DPP10: variants seen among roughly 807,000 people sequenced by gnomAD.
DPP10 encodes the protein dipeptidyl peptidase like 10.
A neutral mutation model predicts 120.9 loss-of-function variants in DPP10; 33 were observed. The ratio of observed to expected loss-of-function variants is 0.27; its 90% CI spans 0.21 to 0.37. The LOEUF (loss-of-function observed/expected upper bound fraction) is 0.37. Ranked by LOEUF, DPP10 falls within the 10% of genes least tolerant of loss-of-function variation. The pLI is 1.00. For missense variants in DPP10, 816 were observed against 942.8 expected, an observed-to-expected ratio of 0.87 and a Z score of 1.76; for synonymous variants, 337 against 326.1, an observed-to-expected ratio of 1.03 and a Z score of -0.36.
At chr2:114,972,163 C>G (rs1298581820) in intron 1 of DPP10, among the ~76,000 whole-genome samples, 6 of 152,198 alleles carry the variant, frequency 3.9e-5, no homozygotes, top group African/African-American at 1.4e-4. Context: ...AGAGGGTCAG[C>G]AGCTGTGAAC....
intron 1 of DPP10, among the ~76,000 whole-genome samples, chr2:114,560,625 G>A (rs1346960987): frequency 3.3e-5 from 5 of 152,164 alleles, no homozygotes; most frequent in Middle Eastern, 3.4e-3. Flanking sequence ...CAGATGATGC[G>A]TCTGTACTTT....
intron 1 of DPP10, among the ~76,000 whole-genome samples, chr2:115,012,995 A>G (rs1702372776): frequency 6.6e-6 from 1 of 152,182 alleles, no homozygotes; most frequent in South Asian, 2.1e-4. Context: ...GCCTGTTTAC[A>G]TTTAAGGTTA....
chr2:115,498,304 C>T (rs2076509010), intron 3 of DPP10, among the ~76,000 whole-genome samples: 1 of 152,056 alleles, frequency 6.6e-6, no homozygotes. Flanking sequence ...TGCTTCTTGT[C>T]ATATAAATTG....
At chr2:115,787,093 T>G (rs1683430251) in intron 17 of DPP10, among the ~76,000 whole-genome samples, 1 of 152,160 alleles carries the variant, frequency 6.6e-6, no homozygotes, top group South Asian at 2.1e-4. Flanking sequence ...TAAAAAGATT[T>G]CTTGAAAAGT....
At chr2:114,799,697 T>C (rs565133173) in intron 1 of DPP10, among the ~76,000 whole-genome samples, 18 of 152,240 alleles carry the variant, frequency 1.2e-4, no homozygotes, top group African/African-American at 4.3e-4. Flanking sequence ...CAGGGAAAAA[T>C]ATGGAAGCAG....
At chr2:115,584,245 C>G (rs992102439) in intron 5 of DPP10, among the ~76,000 whole-genome samples, 2 of 152,106 alleles carry the variant, frequency 1.3e-5, no homozygotes, top group African/African-American at 4.8e-5. Flanking sequence ...AATGGAAAGC[C>G]ATTATCACTT....
rs180831951 is a variant in DPP10 at position 115,705,992 on chromosome 2, G to T, written c.576+16071G>T. On this transcript the variant is annotated intron_variant, in intron 7 of 25. Coordinates refer to ENST00000410059, the MANE Select transcript of DPP10 (RefSeq NM_020868.6). ...ATAAGTCTGTTTGGGTTTAATGGGG[G>T]GGAAAAAAACAGGAAACAAAACCTC... Among the ~76,000 whole-genome samples, 509 of 150,996 alleles carry T rather than the reference G, an allele frequency of 3.4e-3. 2 individuals are homozygous for T. The highest frequency in any genetic ancestry group is 0.01 in the Middle Eastern group (3 of 294).
chr2:115,288,556 T>TA (rs1261196748), intron 1 of DPP10, among the ~76,000 whole-genome samples: 8 of 151,558 alleles, frequency 5.3e-5, no homozygotes, highest in Non-Finnish European at 1.0e-4. Context: ...TATCTCTATT[T>TA]AAAAAAATAT....
intron 1 of DPP10, among the ~76,000 whole-genome samples, chr2:114,643,689 G>A (rs975990006): frequency 1.3e-5 from 2 of 151,738 alleles, no homozygotes; most frequent in Non-Finnish European, 1.5e-5. Context: ...AATCAGTAAT[G>A]CACTTCTAAA....
At chr2:115,342,367 A>G (rs1450861266) in intron 2 of DPP10, among the ~76,000 whole-genome samples, 3 of 151,920 alleles carry the variant, frequency 2.0e-5, no homozygotes, top group African/African-American at 7.2e-5. Flanking sequence ...CCACCACTCT[A>G]GGCTCATTTT....
At chr2:115,434,400 A>G (rs2071285602) in intron 3 of DPP10, among the ~76,000 whole-genome samples, 1 of 151,984 alleles carries the variant, frequency 6.6e-6, no homozygotes, top group African/African-American at 2.4e-5. Context: ...CAATACTTGG[A>G]TGAATCAAAT....
intron 7 of DPP10, among the ~76,000 whole-genome samples, chr2:115,700,935 T>G: frequency 6.6e-6 from 1 of 151,966 alleles, no homozygotes; most frequent in Admixed American, 6.6e-5. Flanking sequence ...CTGAAAAAAA[T>G]TAAAGGACAC....
intron 1 of DPP10, among the ~76,000 whole-genome samples, chr2:114,949,267 A>G (rs879838424): frequency 2.6e-4 from 39 of 152,054 alleles, no homozygotes; most frequent in African/African-American, 7.2e-4. Context: ...GAACTCATTC[A>G]TTATTAGGAG....
chr2:115,386,978 T>C (rs977623074), intron 3 of DPP10, among the ~76,000 whole-genome samples: 2 of 152,074 alleles, frequency 1.3e-5, no homozygotes, highest in Non-Finnish European at 2.9e-5. Flanking sequence ...TAAATTCAGC[T>C]GTGGAGCTAA....
chr2:115,289,503 A>AAAAAAAAAAAAAAAAAAAAAAAAT (rs70941042), intron 1 of DPP10, among the ~76,000 whole-genome samples: 3 of 96,264 alleles, frequency 3.1e-5, no homozygotes, highest in African/African-American at 1.3e-4. Flanking sequence ...AAAAAAAAAA[A>AAAAAAAAAAAAAAAAAAAAAAAAT]AGGAAGAAAA....
intron 1 of DPP10, among the ~76,000 whole-genome samples, chr2:114,642,161 G>A (rs1193859322): frequency 1.3e-5 from 2 of 151,758 alleles, no homozygotes; most frequent in African/African-American, 4.9e-5. Flanking sequence ...TTATATACTG[G>A]CATTTAAAAA....
chr2:114,941,362 C>T (rs934174851), intron 1 of DPP10, among the ~76,000 whole-genome samples: 1 of 152,082 alleles, frequency 6.6e-6, no homozygotes, highest in Non-Finnish European at 1.5e-5. Context: ...CCATTCAGTT[C>T]TAAAATCTAA....
At chr2:115,063,160 CAT>C (rs1559049401) in intron 1 of DPP10, among the ~76,000 whole-genome samples, 1 of 152,102 alleles carries the variant, frequency 6.6e-6, no homozygotes, top group Non-Finnish European at 1.5e-5. Flanking sequence ...AGCTTTTCTT[CAT>C]ATGTTTGTTG....
intron 1 of DPP10, among the ~76,000 whole-genome samples, chr2:114,517,477 G>A (rs1389425053): frequency 1.3e-5 from 2 of 148,854 alleles, no homozygotes; most frequent in South Asian, 2.1e-4. Flanking sequence ...CTGAGATCAC[G>A]CCACTGCACT....
Sources: allele counts gnomAD v4.1 joint callset (sites outside exome capture counted in the v4.1 genomes callset), GRCh38; gene constraint gnomAD v4.1.1; transcripts MANE v1.5; gene names NCBI Gene and HGNC (gene_info 2026-07-23, HGNC 2026-07-21).